Variants in MS4A6A observed in about 807,000 individuals in gnomAD.
MS4A6A encodes the protein membrane spanning 4-domains A6A, also known as membrane-spanning 4-domains subfamily A member 6A.
In MS4A6A, 19 loss-of-function variants were observed where a neutral mutation model predicts 20.6. The ratio of observed to expected loss-of-function variants is 0.92; its 90% CI spans 0.64 to 1.36. The LOEUF (loss-of-function observed/expected upper bound fraction) is 1.36. MS4A6A is among the 40% of genes most tolerant of loss of function. MS4A6A has a pLI of 0.00. For synonymous variants in MS4A6A, 108 were observed against 105.0 expected (o/e 1.03, Z -0.17); for missense variants, 272 against 261.1 (o/e 1.04, Z -0.29).
intron 5 of MS4A6A, 112 bp downstream of exon 5, chr11:60,175,290 C>T (rs1856774339): frequency 2.3e-6 from 2 of 868,800 alleles, no homozygotes; most frequent in Admixed American, 2.7e-5. Flanking sequence ...CTGGCTTTCC[C>T]CCAGATGCCC....
Position 60,172,737 on chromosome 11 carries a change from G to A in MS4A6A, c.*264C>T, listed in dbSNP as rs572169932. The A allele has an allele frequency of 4.0e-6, 5 of 1,250,902 alleles. No individual in the cohort carries two copies. Among genetic ancestry groups the A allele is most frequent in the Admixed American group, 3.4e-5 (1 of 29,640 alleles). The allele number at this position is 1,250,902 out of a possible 1,614,324, so 77.5% of individuals were successfully genotyped here. On this transcript the variant is annotated 3_prime_UTR_variant, in exon 6 of 6. Coordinates refer to ENST00000528851, the MANE Select transcript of MS4A6A (RefSeq NM_022349.4). ...GCACAAACTCATAGCATAATGCCAG[G>A]CCAGTCATTTAACTTCCCAGAGTCT...
At chr11:60,172,064 A>T (rs756042948), downstream of MS4A6A, 6 of 1,244,324 alleles carry the variant, frequency 4.8e-6, no homozygotes, top group African/African-American at 1.5e-5. Flanking sequence ...AAAAGCTTAC[A>T]TTTAGGAAAC....
downstream of MS4A6A, chr11:60,172,427 C>A: frequency 2.3e-6 from 3 of 1,312,498 alleles, no homozygotes; most frequent in Non-Finnish European, 1.9e-6. Flanking sequence ...TCATTCTACA[C>A]TCTATAATAC....
rs913564364 is a variant in MS4A6A at position 60,180,182 on chromosome 11, C to T, written c.148-217G>A. 23 of 578,018 alleles carry T rather than the reference C, an allele frequency of 4.0e-5. No individual in the cohort carries two copies. In the African/African-American group the frequency reaches 4.3e-4, roughly 11 times the overall value. 35.8% of individuals were successfully genotyped at this position (578,018 alleles called of 1,614,324 possible). A position where few individuals can be genotyped will look rare whatever the true frequency, so the allele number is the denominator to read the frequency against. Reference sequence around the variant, plus strand: ...CACAGTCTCAGGTGTCTGGCAGGTGCTCAGGAAGGCTTCTGCATTTCTGCC... The same window carrying T: ...CACAGTCTCAGGTGTCTGGCAGGTGTTCAGGAAGGCTTCTGCATTTCTGCC... On this transcript the variant is annotated intron_variant, in intron 2 of 5. Coordinates refer to ENST00000528851, the MANE Select transcript of MS4A6A (RefSeq NM_022349.4).
chr11:60,180,038 T>G, intron 2 of MS4A6A, 73 bp from the exon 3 acceptor site: 1 of 1,439,234 alleles, frequency 6.9e-7, no homozygotes, highest in Non-Finnish European at 9.6e-7. Flanking sequence ...GCCGCTCCCA[T>G]GGCACTAATG....
At position 60,178,238 on chromosome 11, in the gene MS4A6A, G is replaced by A. The variant is rs761179757; in HGVS notation, c.339+22C>T. ...GTTTTATTTTGATCCATTGGGTTGT[G>A]GGTTATAGCTCTCTTACTCACCAAA... On this transcript the variant is annotated intron_variant, in intron 4 of 5. Coordinates refer to ENST00000528851, the MANE Select transcript of MS4A6A (RefSeq NM_022349.4). The A allele has an allele frequency of 4.4e-6, 7 of 1,598,596 alleles. No homozygotes were observed. The Admixed American group carries it at 8.3e-5, about 19-fold the overall frequency.
rs1268723620 is a variant in MS4A6A at position 60,181,411 on chromosome 11, C to T, written c.147+170G>A. 4.5e-6 allele frequency: 3 copies of T among 666,758 alleles called. No individual in the cohort carries two copies. In the East Asian group the frequency reaches 8.1e-5, roughly 18 times the overall value. The allele number at this position is 666,758 out of a possible 1,614,324, so 41.3% of individuals were successfully genotyped here. ...AGGGAAAATATATTTTTAAGACAAC[C>T]TCTTGTGGAAAAGTTCTGGGACAGT... On this transcript the variant is annotated intron_variant, in intron 2 of 5. Transcript: ENST00000528851.
At chr11:60,178,770 G>C (rs192357734) in intron 3 of MS4A6A, 7 of 433,704 alleles carry the variant, frequency 1.6e-5, no homozygotes, top group Non-Finnish European at 9.1e-6. Context: ...CCCTTGATAC[G>C]ACTTGATGAA....
rs11821697 is a variant in MS4A6A at position 60,174,385 on chromosome 11, G to A, written c.549+1017C>T. ...GTCACCCAGGCTGGAGTGCAGTGGC[G>A]TGATCTCAGCTCACTGCAACCTCCG... On this transcript the variant is annotated intron_variant, in intron 5 of 5. Coordinates refer to ENST00000528851, the MANE Select transcript of MS4A6A (RefSeq NM_022349.4). Among the ~76,000 whole-genome samples the A allele has an allele frequency of 8.9e-3, 1,339 of 150,242 alleles. 18 individuals carry two copies. The highest frequency in any genetic ancestry group is 0.03 in the African/African-American group (1,244 of 40,808).
At position 60,180,171 on chromosome 11, in the gene MS4A6A, T is replaced by C. The variant is rs988383326; in HGVS notation, c.148-206A>G. 5 of 591,462 alleles carry C rather than the reference T, an allele frequency of 8.5e-6. No homozygotes were observed. In the South Asian group the frequency reaches 8.9e-5, roughly 10 times the overall value. The allele number at this position is 591,462 out of a possible 1,614,324, so 36.6% of individuals were successfully genotyped here. On this transcript the variant is annotated intron_variant, in intron 2 of 5. Coordinates refer to ENST00000528851, the MANE Select transcript of MS4A6A (RefSeq NM_022349.4). ...GCCACAGAAGCCACAGTCTCAGGTG[T>C]CTGGCAGGTGCTCAGGAAGGCTTCT...
chr11:60,176,939 C>T (rs1453468640), intron 4 of MS4A6A: 1 of 152,124 alleles, frequency 6.6e-6, no homozygotes, highest in African/African-American at 2.4e-5. Context: ...CATATATTTC[C>T]TCCTAAAAGT....
rs750179389 is a variant in MS4A6A, at chr11:60,172,961, A to T, written c.*40T>A. ...TGTTCCTTCTACCACTCTTGGTGAC[A>T]TACTCAACACAGTGCAGGGATAAGA... On this transcript the variant is annotated 3_prime_UTR_variant, in exon 6 of 6. Coordinates refer to ENST00000528851, the MANE Select transcript of MS4A6A (RefSeq NM_022349.4). 1.9e-6 allele frequency: 3 copies of T among 1,612,328 alleles called. No individual in the cohort carries two copies. Among genetic ancestry groups the T allele is most frequent in the African/African-American group, 2.7e-5 (2 of 75,004 alleles).
chr11:60,181,460 A>C (rs1315788899), intron 2 of MS4A6A, 121 bp downstream of exon 2: 2 of 1,272,590 alleles, frequency 1.6e-6, no homozygotes, highest in Admixed American at 4.7e-5. Context: ...CTTCTACCCT[A>C]AAGTCCCTCT....
At chr11:60,176,301 C>T (rs552607302) in intron 4 of MS4A6A, among the ~76,000 whole-genome samples, 98 of 152,146 alleles carry the variant, frequency 6.4e-4, no homozygotes, top group African/African-American at 2.2e-3. Context: ...TGGGAGGCAG[C>T]GGGAAGTACA....
chr11:60,173,121 G>A lies in MS4A6A; in HGVS notation c.558C>T (p.Leu186=). The A allele has an allele frequency of 6.2e-7, 1 of 1,613,824 alleles. No homozygotes were observed. The highest frequency in any genetic ancestry group is 8.5e-7 in the Non-Finnish European group (1 of 1,179,786). The change falls in exon 6 of 6, where the codon CTC becomes CTT. Residue 186 remains leucine, a synonymous_variant. Transcript: ENST00000528851. ...YTAKASLAGT[L]SLMLICTLLE... ...GCAGAGTGCAAATCAGCATCAGAGA[G>A]AGAGTTCCCTGAAAGTCAAGAAATA...
In MS4A6A at chr11:60,181,745, T is replaced by C. The variant is rs753993287; in HGVS notation, c.-14-4A>G. 21 of 1,612,816 alleles carry C rather than the reference T, an allele frequency of 1.3e-5. No homozygotes were observed. The highest frequency in any genetic ancestry group is 3.3e-5 in the South Asian group (3 of 90,984). ...GATGTCATGATGGTGTTGCCAACTA[T>C]GTAAGAAAAAATAGATTTAGCTCTT... On this transcript the variant is annotated splice_polypyrimidine_tract_variant and splice_region_variant and intron_variant, in intron 1 of 5. Coordinates refer to ENST00000528851, the MANE Select transcript of MS4A6A (RefSeq NM_022349.4).
chr11:60,178,944 G>A (rs1396796342), intron 3 of MS4A6A: 4 of 339,174 alleles, frequency 1.2e-5, no homozygotes, highest in African/African-American at 4.4e-5. Context: ...ATCTTAGACA[G>A]CCTAGAGGAC....
intron 4 of MS4A6A, 122 bp downstream of exon 4, chr11:60,178,135 TAAC>T (rs1856941108): frequency 1.2e-6 from 1 of 849,442 alleles, no homozygotes; most frequent in Non-Finnish European, 2.0e-6. Flanking sequence ...CTCCTAATTC[TAAC>T]AACAACCAAC....
Position 60,175,404 on chromosome 11 carries a change from C to A in MS4A6A, c.547G>T (p.Ala183Ser), listed in dbSNP as rs1440597159. Residue 183 changes from alanine to serine, a missense_variant and splice_region_variant, in exon 5 of 6, where the codon GCT becomes TCT. Coordinates refer to ENST00000528851, the MANE Select transcript of MS4A6A (RefSeq NM_022349.4). The stretch of plus-strand genomic sequence containing the variant: ...ACATCCCATCTAAAAATACTTACAG[C>A]CAGACTGGCTTTGGCTGTATAGCAG... ...TDCYTAKASL[A>S]GTLSLMLICT... The A allele has an allele frequency of 4.3e-6, 7 of 1,611,456 alleles. No individual in the cohort carries two copies. The highest frequency in any genetic ancestry group is 5.1e-6 in the Non-Finnish European group (6 of 1,177,778).
Sources: gnomAD v4.1 joint callset for allele counts (sites outside exome capture counted in the v4.1 genomes callset) on GRCh38, gnomAD v4.1.1 for gene constraint, MANE v1.5 for transcripts, NCBI Gene and HGNC (gene_info 2026-07-23, HGNC 2026-07-21) for gene names.